CNR2: variants seen among roughly 807,000 people sequenced by gnomAD.
CNR2 encodes cannabinoid receptor 2 (macrophage).
For missense variants in CNR2, 379 were observed against 439.9 expected (o/e 0.86, Z 1.24); for synonymous variants, 172 against 182.2 (o/e 0.94, Z 0.45).
At position 23,874,325 on chromosome 1, in the gene CNR2, C is replaced by T. The variant is rs905929650; in HGVS notation, c.*210G>A. 5 of 561,032 alleles carry T rather than the reference C, an allele frequency of 8.9e-6. No homozygotes were observed. Among genetic ancestry groups the T allele is most frequent in the East Asian group, 6.0e-5 (2 of 33,276 alleles). 34.8% of individuals were successfully genotyped at this position (561,032 alleles called of 1,614,324 possible). On this transcript the variant is annotated 3_prime_UTR_variant, in exon 2 of 2. Transcript: ENST00000374472. ...GTGTCTCGCCTACCTGGCTACTCCT[C>T]GTGGCCCTACCTATCCAACAGACTG...
intron 1 of CNR2, among the ~76,000 whole-genome samples, chr1:23,901,092 CTT>C (rs915592990): frequency 3.9e-5 from 6 of 151,976 alleles, no homozygotes; most frequent in African/African-American, 1.5e-4. Context: ...TTTTAAGTGA[CTT>C]TTTGCCGATT....
chr1:23,911,888 C>T (rs1468139481), intron 1 of CNR2, among the ~76,000 whole-genome samples: 1 of 152,156 alleles, frequency 6.6e-6, no homozygotes, highest in Non-Finnish European at 1.5e-5. Flanking sequence ...CCTGAGCTCT[C>T]CCTGAACTTC....
In CNR2 at chr1:23,873,228, C is replaced by T. The variant is rs769529812; in HGVS notation, c.*1307G>A. On this transcript the variant is annotated 3_prime_UTR_variant, in exon 2 of 2. Transcript: ENST00000374472. ...CCTCCCTCATATGAAAAATGAGTAC[C>T]CTGGGATCTATTTTATTTTATTTTT... The T allele has an allele frequency of 2.8e-5, 4 of 143,338 alleles. No individual in the cohort carries two copies. Among genetic ancestry groups the T allele is most frequent in the African/African-American group, 5.3e-5 (2 of 37,490 alleles). The allele number at this position is 143,338 out of a possible 1,614,324, so 8.9% of individuals were successfully genotyped here. A position where few individuals can be genotyped will look rare whatever the true frequency, so the allele number is the denominator to read the frequency against.
chr1:23,906,332 C>T (rs895159767), intron 1 of CNR2, among the ~76,000 whole-genome samples: 3 of 151,960 alleles, frequency 2.0e-5, no homozygotes, highest in African/African-American at 7.3e-5. Flanking sequence ...TACCTCCACT[C>T]AGGACTGTTG....
intron 1 of CNR2, among the ~76,000 whole-genome samples, chr1:23,895,130 A>G (rs1427728695): frequency 6.6e-6 from 1 of 152,170 alleles, no homozygotes; most frequent in African/African-American, 2.4e-5. Context: ...CTGAGGCAGG[A>G]GAATCGCTTG....
At chr1:23,882,424 T>C (rs7417799) in intron 1 of CNR2, among the ~76,000 whole-genome samples, 1 of 152,166 alleles carries the variant, frequency 6.6e-6, no homozygotes, top group Non-Finnish European at 1.5e-5. Context: ...GATTAGAAGA[T>C]ACTTGGCATT....
intron 1 of CNR2, among the ~76,000 whole-genome samples, chr1:23,906,485 ATTGT>A (rs1640486864): frequency 6.8e-6 from 1 of 147,562 alleles, no homozygotes; most frequent in Non-Finnish European, 1.5e-5. Context: ...CAATAAGTGT[ATTGT>A]TTAAAATTTT....
intron 1 of CNR2, among the ~76,000 whole-genome samples, chr1:23,898,342 T>C (rs1351155359): frequency 0.88 from 93,482 of 106,206 alleles, 40,898 homozygotes; most frequent in South Asian, 0.91. Flanking sequence ...CGGCTTTTTT[T>C]TTTTTTTTTT....
intron 1 of CNR2, among the ~76,000 whole-genome samples, chr1:23,906,289 C>G (rs1477440940): frequency 6.6e-6 from 1 of 152,032 alleles, no homozygotes; most frequent in African/African-American, 2.4e-5. Context: ...TTGAGCCCCA[C>G]TGTCCTTGTC....
At chr1:23,894,956 AC>A (rs1640254819) in intron 1 of CNR2, among the ~76,000 whole-genome samples, 2 of 152,002 alleles carry the variant, frequency 1.3e-5, no homozygotes, top group Admixed American at 6.6e-5. Flanking sequence ...ATGGTGGCTC[AC>A]ACCTCTAATC....
At chr1:23,881,066 A>C (rs1195219632) in intron 1 of CNR2, among the ~76,000 whole-genome samples, 1 of 151,318 alleles carries the variant, frequency 6.6e-6, no homozygotes, top group Non-Finnish European at 1.5e-5. Flanking sequence ...ACCTGAGGTC[A>C]AGAGTTAGAG....
intron 1 of CNR2, among the ~76,000 whole-genome samples, chr1:23,897,481 A>ATTT (rs35662001): frequency 1.2e-3 from 173 of 149,838 alleles, no homozygotes; most frequent in Middle Eastern, 3.4e-3. Context: ...TGTTAATAGA[A>ATTT]TTTTTTTTTT....
chr1:23,898,324 A>G (rs1570716944), intron 1 of CNR2, among the ~76,000 whole-genome samples: 1 of 125,392 alleles, frequency 8.0e-6, no homozygotes, highest in East Asian at 2.4e-4. Context: ...GGCGTGAGCC[A>G]CCGCGCCCGG....
chr1:23,872,655 CACATCTGTA>C lies in CNR2; in HGVS notation c.*1871_*1879del, dbSNP rs1220279824. ...AGTGACTTTGCATCTTTGAGGTTGC[CACATCTGTA>C]AAATGAAGATAACTAAGACCTTCTT... On this transcript the variant is annotated 3_prime_UTR_variant, in exon 2 of 2. Transcript: ENST00000374472. The C allele has an allele frequency of 2.0e-5, 3 of 152,016 alleles. No individual in the cohort carries two copies. The highest frequency in any genetic ancestry group is 6.6e-5 in the Admixed American group (1 of 15,232). 9.4% of individuals were successfully genotyped at this position (152,016 alleles called of 1,614,324 possible). A position where few individuals can be genotyped will look rare whatever the true frequency, so the allele number is the denominator to read the frequency against.
At chr1:23,887,012 T>C (rs1640104356) in intron 1 of CNR2, among the ~76,000 whole-genome samples, 1 of 152,204 alleles carries the variant, frequency 6.6e-6, no homozygotes, top group Non-Finnish European at 1.5e-5. Context: ...TTCAAGTGAT[T>C]CTCCTGCCTC....
chr1:23,913,230 A>G lies in CNR2; in HGVS notation c.-46+16T>C, dbSNP rs1640615554. The G allele has an allele frequency of 6.3e-6, 1 of 158,378 alleles. No homozygotes were observed. Among genetic ancestry groups the G allele is most frequent in the Admixed American group, 6.5e-5 (1 of 15,466 alleles). 9.8% of individuals were successfully genotyped at this position (158,378 alleles called of 1,614,324 possible). A position where few individuals can be genotyped will look rare whatever the true frequency, so the allele number is the denominator to read the frequency against. ...GAGGAAGAAGCCTAAAATAAACAAC[A>G]AAAAAAGCTACTCACGGTTGTGTTG... On this transcript the variant is annotated intron_variant, in intron 1 of 1. Coordinates refer to ENST00000374472, the MANE Select transcript of CNR2 (RefSeq NM_001841.3).
chr1:23,881,834 T>A (rs1174261971), intron 1 of CNR2, among the ~76,000 whole-genome samples: 1 of 144,104 alleles, frequency 6.9e-6, no homozygotes, highest in Non-Finnish European at 1.5e-5. Flanking sequence ...GAGGTTTCGG[T>A]GAGCCAAGAT....
Position 23,884,173 on chromosome 1 carries a change from G to A in CNR2, c.-45-8511C>T, listed in dbSNP as rs929152707. Among the ~76,000 whole-genome samples, 4 of 151,260 alleles carry A rather than the reference G, an allele frequency of 2.6e-5. No individual in the cohort carries two copies. The Admixed American group carries it at 2.6e-4, about 10-fold the overall frequency. Reference sequence around the variant, plus strand: ...CGGCTCACTGCAAACTCTGCCTCCCGAGTTAAAGCGATTCTTGTGCCTCAG... The same window carrying A: ...CGGCTCACTGCAAACTCTGCCTCCCAAGTTAAAGCGATTCTTGTGCCTCAG... On this transcript the variant is annotated intron_variant, in intron 1 of 1. Transcript: ENST00000374472.
intron 1 of CNR2, among the ~76,000 whole-genome samples, chr1:23,910,445 G>A (rs1236868816): frequency 2.6e-5 from 4 of 151,232 alleles, no homozygotes; most frequent in African/African-American, 7.3e-5. Context: ...ACCTGAGATC[G>A]GGAGCTCGAG....
Sources: gnomAD v4.1 joint callset for allele counts (sites outside exome capture counted in the v4.1 genomes callset) on GRCh38, gnomAD v4.1.1 for gene constraint, MANE v1.5 for transcripts, NCBI Gene and HGNC (gene_info 2026-07-23, HGNC 2026-07-21) for gene names.